The following RAD54B variants were observed in gnomAD, a reference collection of about 807,000 sequenced individuals.
The protein encoded by RAD54B is DNA repair and recombination protein RAD54B.
RAD54B carries 78 observed loss-of-function variants against 95.8 expected under a neutral mutation model. The observed-to-expected ratio is 0.81, with a 90% CI of 0.68 to 0.98. The LOEUF (loss-of-function observed/expected upper bound fraction) is 0.98. RAD54B is among the 50% of genes least tolerant of loss of function. The probability of loss-of-function intolerance (pLI) is 0.00; values close to 1 mark genes in which losing one functional copy is unlikely to be tolerated. For synonymous variants in RAD54B, 328 were observed against 354.9 expected (o/e 0.92, Z 0.85); for missense variants, 957 against 1,056.6 (o/e 0.91, Z 1.31).
At chr8:94,443,278 C>T (rs1305979825) in intron 3 of RAD54B, among the ~76,000 whole-genome samples, 1 of 152,080 alleles carries the variant, frequency 6.6e-6, no homozygotes, top group African/African-American at 2.4e-5. Flanking sequence ...GATGAGAACG[C>T]ATGGACACAT....
intron 3 of RAD54B, among the ~76,000 whole-genome samples, chr8:94,426,310 T>C (rs1370643435): frequency 6.6e-6 from 1 of 150,694 alleles, no homozygotes; most frequent in Non-Finnish European, 1.5e-5. Context: ...AAGTGTAAAA[T>C]GATATAATCA....
At chr8:94,436,191 T>C (rs1414549710) in intron 3 of RAD54B, among the ~76,000 whole-genome samples, 1 of 152,144 alleles carries the variant, frequency 6.6e-6, no homozygotes, top group Non-Finnish European at 1.5e-5. Context: ...AATAATTTAA[T>C]TTTAAAGCTT....
chr8:94,394,333 T>C (rs193034922), intron 8 of RAD54B, among the ~76,000 whole-genome samples: 1 of 152,368 alleles, frequency 6.6e-6, no homozygotes, highest in Admixed American at 6.5e-5. Flanking sequence ...ATAAATGTTC[T>C]ATAACTTTAG....
intron 1 of RAD54B, among the ~76,000 whole-genome samples, chr8:94,472,841 C>T (rs1303048035): frequency 6.6e-6 from 1 of 152,112 alleles, no homozygotes; most frequent in Non-Finnish European, 1.5e-5. Context: ...ACCCTAAATC[C>T]TTCTACATCT....
At chr8:94,448,626 G>A (rs1428021860) in intron 3 of RAD54B, among the ~76,000 whole-genome samples, 1 of 149,550 alleles carries the variant, frequency 6.7e-6, no homozygotes, top group African/African-American at 2.5e-5. Context: ...ATGACATTAT[G>A]CTAAATGAAT....
In RAD54B at chr8:94,378,774, G is replaced by C. The variant is rs1011657979; in HGVS notation, c.2248-140C>G. 1.0e-4 allele frequency: 62 copies of C among 613,216 alleles called. 1 individual carries two copies. In the Middle Eastern group the frequency reaches 4.5e-3, roughly 44 times the overall value. The allele number at this position is 613,216 out of a possible 1,614,324, so 38.0% of individuals were successfully genotyped here. On this transcript the variant is annotated intron_variant, in intron 12 of 14. Coordinates refer to ENST00000336148, the MANE Select transcript of RAD54B (RefSeq NM_012415.3). ...TTCAGAAAACAAATCTCAGGTGTGTGAAGCATGCCCTACTTCATAGCTTTT... is the reference window on the plus strand; with the variant it reads ...TTCAGAAAACAAATCTCAGGTGTGTCAAGCATGCCCTACTTCATAGCTTTT...
chr8:94,377,545 GA>G (rs71273330), intron 14 of RAD54B, among the ~76,000 whole-genome samples: 44 of 70,572 alleles, frequency 6.2e-4, no homozygotes, highest in African/African-American at 1.2e-3. Context: ...CCCTGTCTTG[GA>G]AAAAAAAAAA....
At chr8:94,471,192 C>T (rs1314144196) in intron 1 of RAD54B, among the ~76,000 whole-genome samples, 1 of 149,902 alleles carries the variant, frequency 6.7e-6, no homozygotes, top group African/African-American at 2.5e-5. Context: ...ACGTACAATT[C>T]ATCAGTATAT....
chr8:94,385,936 T>TTAAA (rs915347133), intron 11 of RAD54B, among the ~76,000 whole-genome samples: 1 of 152,174 alleles, frequency 6.6e-6, no homozygotes, highest in Non-Finnish European at 1.5e-5. Context: ...AAAGGAGGCA[T>TTAAA]TAACCATGTC....
chr8:94,379,043 G>A (rs1399155577), intron 12 of RAD54B, among the ~76,000 whole-genome samples: 4 of 152,166 alleles, frequency 2.6e-5, no homozygotes, highest in African/African-American at 9.7e-5. Flanking sequence ...GTGGATCCCT[G>A]TGGTTTAAAG....
intron 1 of RAD54B, among the ~76,000 whole-genome samples, chr8:94,474,321 C>T (rs1563670575): frequency 6.6e-6 from 1 of 152,060 alleles, no homozygotes; most frequent in Non-Finnish European, 1.5e-5. Flanking sequence ...CGTAATATAC[C>T]GATGCAACAA....
chr8:94,376,123 C>T (rs936528292), intron 14 of RAD54B, among the ~76,000 whole-genome samples: 2 of 152,038 alleles, frequency 1.3e-5, no homozygotes, highest in African/African-American at 4.8e-5. Context: ...AGGATATACA[C>T]GATTTCCATG....
intron 3 of RAD54B, among the ~76,000 whole-genome samples, chr8:94,453,439 A>G (rs555690135): frequency 6.6e-6 from 1 of 152,136 alleles, no homozygotes; most frequent in Non-Finnish European, 1.5e-5. Context: ...CTGAGGCAGA[A>G]GAATCACTTG....
chr8:94,432,743 T>G, intron 3 of RAD54B: 1 of 1,354,874 alleles, frequency 7.4e-7, no homozygotes, highest in Non-Finnish European at 9.6e-7. Flanking sequence ...TAATGTACAT[T>G]AAATGATAAA....
chr8:94,380,068 CATT>C (rs753675577), intron 12 of RAD54B, 74 bp downstream of exon 12: 321 of 1,436,746 alleles, frequency 2.2e-4, no homozygotes, highest in Non-Finnish European at 2.9e-4. Flanking sequence ...TATATATCAT[CATT>C]ATCTTTGTAT....
intron 3 of RAD54B, among the ~76,000 whole-genome samples, chr8:94,446,371 C>T (rs1812518910): frequency 6.6e-6 from 1 of 152,098 alleles, no homozygotes; most frequent in Non-Finnish European, 1.5e-5. Flanking sequence ...GATTAAAATG[C>T]TGATGTTTCA....
intron 3 of RAD54B, among the ~76,000 whole-genome samples, chr8:94,432,962 A>G (rs576584612): frequency 6.6e-6 from 1 of 152,234 alleles, no homozygotes; most frequent in Admixed American, 6.5e-5. Flanking sequence ...CATGTTGTCA[A>G]ACAGACACCA....
At chr8:94,416,598 T>C (rs1202048683) in intron 3 of RAD54B, among the ~76,000 whole-genome samples, 1 of 148,340 alleles carries the variant, frequency 6.7e-6, no homozygotes, top group Non-Finnish European at 1.5e-5. Context: ...ATTCAGAAAA[T>C]GATATATACA....
At chr8:94,454,631 C>T (rs1812740044) in intron 3 of RAD54B, among the ~76,000 whole-genome samples, 1 of 152,132 alleles carries the variant, frequency 6.6e-6, no homozygotes, top group Non-Finnish European at 1.5e-5. Context: ...GATGAGATGG[C>T]TTAATTCATT....
Sources: gnomAD v4.1 joint callset for allele counts (sites outside exome capture counted in the v4.1 genomes callset) on GRCh38, gnomAD v4.1.1 for gene constraint, MANE v1.5 for transcripts, NCBI Gene and HGNC (gene_info 2026-07-23, HGNC 2026-07-21) for gene names.